GRIK2: variants seen among roughly 807,000 people sequenced by gnomAD.
GRIK2 encodes glutamate receptor ionotropic, kainate 2.
A neutral mutation model predicts 100.3 loss-of-function variants in GRIK2; 32 were observed. That is an observed-to-expected ratio of 0.32 (90% CI 0.24 to 0.43). The LOEUF (loss-of-function observed/expected upper bound fraction) is 0.43. GRIK2 is among the 20% of genes least tolerant of loss of function. GRIK2 has a pLI of 1.00. For missense variants in GRIK2, 843 were observed against 1,114.9 expected (o/e 0.76, Z 3.47); for synonymous variants, 417 against 389.4 (o/e 1.07, Z -0.83).
At chr6:101,445,009 T>A (rs1268384021) in intron 2 of GRIK2, among the ~76,000 whole-genome samples, 1 of 152,102 alleles carries the variant, frequency 6.6e-6, no homozygotes, top group Non-Finnish European at 1.5e-5. Context: ...TTCCTTCTTA[T>A]ATACCCAGTA....
chr6:101,626,085 G>A (rs1562269086), intron 3 of GRIK2, among the ~76,000 whole-genome samples: 1 of 152,000 alleles, frequency 6.6e-6, no homozygotes, highest in Non-Finnish European at 1.5e-5. Context: ...AACAAGCACT[G>A]CCCCCTTAAA....
intron 7 of GRIK2, among the ~76,000 whole-genome samples, chr6:101,794,839 C>T (rs1780177467): frequency 6.6e-6 from 1 of 150,766 alleles, no homozygotes; most frequent in African/African-American, 2.4e-5. Flanking sequence ...GATATCTACA[C>T]ATTTTGTGTA....
chr6:101,493,031 C>T (rs949112869), intron 2 of GRIK2, among the ~76,000 whole-genome samples: 5 of 151,762 alleles, frequency 3.3e-5, no homozygotes, highest in African/African-American at 1.2e-4. Flanking sequence ...CAATAGATGA[C>T]TTCAAAAGTA....
chr6:101,760,705 T>C (rs1289326719), intron 7 of GRIK2, among the ~76,000 whole-genome samples: 1 of 110,028 alleles, frequency 9.1e-6, no homozygotes, highest in Non-Finnish European at 1.6e-5. Flanking sequence ...TATATATAAT[T>C]ATATATTTAA....
At chr6:101,884,342 C>T (rs1019967050) in intron 11 of GRIK2, among the ~76,000 whole-genome samples, 9 of 152,126 alleles carry the variant, frequency 5.9e-5, no homozygotes, top group African/African-American at 9.6e-5. Context: ...AAGAAAACAA[C>T]GTTTAGAACT....
chr6:101,717,851 G>A (rs1027334698), intron 7 of GRIK2, among the ~76,000 whole-genome samples: 3 of 151,704 alleles, frequency 2.0e-5, no homozygotes, highest in Non-Finnish European at 2.9e-5. Flanking sequence ...CTGTATGTAA[G>A]CAGTTTAGTT....
chr6:101,898,628 C>A (rs530989151), intron 12 of GRIK2, among the ~76,000 whole-genome samples: 46 of 151,582 alleles, frequency 3.0e-4, no homozygotes, highest in Admixed American at 1.3e-3. Flanking sequence ...AAGCTAGTCT[C>A]TGGAAATGCT....
At chr6:101,919,334 C>T (rs979881524) in intron 12 of GRIK2, among the ~76,000 whole-genome samples, 2 of 151,674 alleles carry the variant, frequency 1.3e-5, no homozygotes, top group Admixed American at 1.3e-4. Flanking sequence ...ATCAAAGATA[C>T]ATTTTTAAAA....
chr6:101,772,689 C>T (rs1024824681), intron 7 of GRIK2, among the ~76,000 whole-genome samples: 16 of 151,792 alleles, frequency 1.1e-4, no homozygotes, highest in African/African-American at 2.7e-4. Context: ...CACCATTCCT[C>T]TCAACTTTTG....
chr6:101,628,612 A>G (rs1780568740), intron 4 of GRIK2, among the ~76,000 whole-genome samples: 1 of 152,076 alleles, frequency 6.6e-6, no homozygotes, highest in Admixed American at 6.5e-5. Flanking sequence ...CTCAGTTGCA[A>G]ATTGGTCCAC....
At chr6:101,692,805 A>G (rs1411120244) in intron 7 of GRIK2, among the ~76,000 whole-genome samples, 1 of 152,056 alleles carries the variant, frequency 6.6e-6, no homozygotes, top group Non-Finnish European at 1.5e-5. Context: ...CACAGAAAAA[A>G]CATTTTGGGG....
intron 1 of GRIK2, among the ~76,000 whole-genome samples, chr6:101,397,064 T>C (rs1435143869): frequency 6.6e-6 from 1 of 152,210 alleles, no homozygotes; most frequent in East Asian, 1.9e-4. Flanking sequence ...GCAACCATAA[T>C]GTAAAATGTC....
intron 7 of GRIK2, among the ~76,000 whole-genome samples, chr6:101,723,029 T>A (rs1348671164): frequency 6.6e-6 from 1 of 152,046 alleles, no homozygotes; most frequent in Non-Finnish European, 1.5e-5. Flanking sequence ...TATAGAAAGT[T>A]GTGCTTAGTC....
chr6:101,426,951 G>A (rs1386615426), intron 2 of GRIK2, among the ~76,000 whole-genome samples: 1 of 152,110 alleles, frequency 6.6e-6, no homozygotes. Context: ...CCTAGTTTAA[G>A]GGTGATATAT....
intron 2 of GRIK2, among the ~76,000 whole-genome samples, chr6:101,467,343 A>G (rs1329560031): frequency 6.6e-6 from 1 of 152,192 alleles, no homozygotes; most frequent in Non-Finnish European, 1.5e-5. Context: ...ATATATTTTT[A>G]GTCAAGTCTG....
intron 2 of GRIK2, among the ~76,000 whole-genome samples, chr6:101,442,705 A>G (rs1770145698): frequency 6.6e-6 from 1 of 152,150 alleles, no homozygotes. Flanking sequence ...TGATTTCTGT[A>G]GCAACTACTC....
chr6:101,564,104 G>T (rs891357155), intron 2 of GRIK2, among the ~76,000 whole-genome samples: 1 of 152,086 alleles, frequency 6.6e-6, no homozygotes, highest in African/African-American at 2.4e-5. Flanking sequence ...TTATCATTAG[G>T]CTAATTGCTA....
At chr6:101,592,093 T>C (rs1029128337) in intron 2 of GRIK2, among the ~76,000 whole-genome samples, 1 of 152,004 alleles carries the variant, frequency 6.6e-6, no homozygotes, top group Admixed American at 6.6e-5. Context: ...CCTTCTGCCA[T>C]GATTGCAAGC....
At chr6:101,505,082 T>A (rs570878836) in intron 2 of GRIK2, among the ~76,000 whole-genome samples, 6 of 152,020 alleles carry the variant, frequency 3.9e-5, no homozygotes, top group Non-Finnish European at 7.4e-5. Context: ...GTCGTTTTTT[T>A]ACTTGTCATT....
Sources: allele counts gnomAD v4.1 joint callset (sites outside exome capture counted in the v4.1 genomes callset), GRCh38; gene constraint gnomAD v4.1.1; transcripts MANE v1.5; gene names NCBI Gene and HGNC (gene_info 2026-07-23, HGNC 2026-07-21).